Variants in DPP6 observed in about 807,000 individuals in gnomAD.
The protein encoded by DPP6 is dipeptidyl peptidase like 6.
A neutral mutation model predicts 122.6 loss-of-function variants in DPP6; 69 were observed. The observed-to-expected ratio is 0.56, with a 90% CI of 0.46 to 0.69. The LOEUF is 0.69. Ranked by LOEUF, DPP6 falls within the 30% of genes least tolerant of loss-of-function variation. DPP6 has a pLI of 0.00. For synonymous variants in DPP6, 418 were observed against 433.1 expected (o/e 0.97, Z 0.43); for missense variants, 928 against 1,116.9 (o/e 0.83, Z 2.41).
intron 1 of DPP6, among the ~76,000 whole-genome samples, chr7:153,918,559 ACACACAGTCTCT>A (rs1800464550): frequency 2.4e-5 from 2 of 83,212 alleles, no homozygotes; most frequent in South Asian, 5.1e-4. Context: ...ACACACACAC[ACACACAGTCTCT>A]CTCTCTCTCT....
intron 16 of DPP6, among the ~76,000 whole-genome samples, chr7:154,830,330 C>T (rs939501554): frequency 2.6e-5 from 4 of 152,098 alleles, no homozygotes; most frequent in Admixed American, 6.5e-5. Context: ...GAGGCAGAGC[C>T]GGGGCCAGGC....
rs376966130 is a variant in DPP6 at position 153,949,506 on chromosome 7, C to T, written c.51+61772C>T. On this transcript the variant is annotated intron_variant, in intron 1 of 25. Transcript: ENST00000404039. ...CTCTGCTACTTTTTCGTGCCTCATG[C>T]GTCTTAGGGAAGGTGTTTGCAGGTG... 5.4e-4 allele frequency among the ~76,000 whole-genome samples: 82 copies of T among 152,252 alleles called. 1 individual carries two copies. The South Asian group carries it at 0.017, about 31-fold the overall frequency.
intron 6 of DPP6, among the ~76,000 whole-genome samples, chr7:154,654,521 C>A (rs974217850): frequency 1.3e-4 from 20 of 151,700 alleles, no homozygotes; most frequent in African/African-American, 4.4e-4. Flanking sequence ...CAGGTTCAGG[C>A]GATTCTCCTG....
intron 5 of DPP6, among the ~76,000 whole-genome samples, chr7:154,620,620 T>G (rs1834580382): frequency 6.6e-6 from 1 of 152,362 alleles, no homozygotes; most frequent in South Asian, 2.1e-4. Flanking sequence ...GTGTTTTCAC[T>G]CTGAATGAGT....
intron 1 of DPP6, among the ~76,000 whole-genome samples, chr7:154,306,231 C>T (rs898317897): frequency 6.6e-6 from 1 of 152,198 alleles, no homozygotes; most frequent in Non-Finnish European, 1.5e-5. Flanking sequence ...GGCCGCTCGC[C>T]TTGTCCTGAG....
At chr7:154,230,140 C>T (rs1280950898) in intron 1 of DPP6, among the ~76,000 whole-genome samples, 1 of 152,036 alleles carries the variant, frequency 6.6e-6, no homozygotes, top group Non-Finnish European at 1.5e-5. Flanking sequence ...TCCGCACCCT[C>T]CTCCAACCCC....
At chr7:153,923,686 A>G (rs1327637869) in intron 1 of DPP6, among the ~76,000 whole-genome samples, 4 of 142,888 alleles carry the variant, frequency 2.8e-5, no homozygotes, top group Admixed American at 7.5e-5. Flanking sequence ...GCGTGAACCC[A>G]GGAGGCACAG....
intron 3 of DPP6, among the ~76,000 whole-genome samples, chr7:154,530,858 G>A (rs1321677940): frequency 1.3e-5 from 2 of 152,140 alleles, no homozygotes; most frequent in African/African-American, 4.8e-5. Flanking sequence ...GACATGGATG[G>A]AGCTGAAAGC....
rs75677723 is a variant in DPP6, at chr7:153,887,698, C to T, written c.15C>T (p.Ala5=). The T allele has an allele frequency of 1.1e-3, 1,834 of 1,613,904 alleles. 34 individuals are homozygous for T. In the East Asian group the frequency reaches 0.036, roughly 32 times the overall value. ...CTTGGGGCAAAATGAAGGAAAAGGC[C>T]ATGATCAAGACCGCTAAGATGCAGG... The change falls in exon 1 of 26, where the codon GCC becomes GCT. Residue 5 remains alanine, a synonymous_variant. Transcript: ENST00000404039.
rs539016715 is a variant in DPP6, at chr7:153,894,134, G to C, written c.51+6400G>C. ...TAAAGACTACAGACTAAACTTCTTGGGGACTGCCCTGTGACCCTTGGTTTC... is the reference window on the plus strand; with the variant it reads ...TAAAGACTACAGACTAAACTTCTTGCGGACTGCCCTGTGACCCTTGGTTTC... On this transcript the variant is annotated intron_variant, in intron 1 of 25. Transcript: ENST00000404039. Among the ~76,000 whole-genome samples, 392 of 152,240 alleles carry C rather than the reference G, an allele frequency of 2.6e-3. 4 individuals are homozygous for C. Among genetic ancestry groups the C allele is most frequent in the Non-Finnish European group, 5.0e-3 (339 of 68,014 alleles).
chr7:154,439,811 C>T (rs1399034568), intron 1 of DPP6, among the ~76,000 whole-genome samples: 1 of 152,188 alleles, frequency 6.6e-6, no homozygotes, highest in Admixed American at 6.5e-5. Context: ...CTGCTGTGCC[C>T]TCAGGCAGCA....
the DPP6 span, among the ~76,000 whole-genome samples, chr7:153,848,940 C>T: frequency 2.0e-5 from 3 of 151,626 alleles, no homozygotes; most frequent in Non-Finnish European, 2.9e-5. Context: ...TTCAATAATC[C>T]CATTGTTTTC....
At chr7:153,760,924 G>A in the DPP6 span, among the ~76,000 whole-genome samples, 1 of 152,046 alleles carries the variant, frequency 6.6e-6, no homozygotes, top group African/African-American at 2.4e-5. Context: ...CGTGTTGCTT[G>A]CTCCTCTTTC....
chr7:154,765,254 A>G (rs1157247078), intron 8 of DPP6, among the ~76,000 whole-genome samples: 1 of 152,218 alleles, frequency 6.6e-6, no homozygotes, highest in East Asian at 1.9e-4. Flanking sequence ...GAGGTTTTGC[A>G]GAAAAGGAGC....
chr7:154,460,633 C>T (rs1297211806), intron 2 of DPP6, among the ~76,000 whole-genome samples: 1 of 152,094 alleles, frequency 6.6e-6, no homozygotes, highest in Non-Finnish European at 1.5e-5. Context: ...TTAATAAAAT[C>T]TCTCATCAAA....
the DPP6 span, among the ~76,000 whole-genome samples, chr7:153,785,149 G>A: frequency 6.6e-6 from 1 of 152,256 alleles, no homozygotes; most frequent in East Asian, 1.9e-4. Context: ...AATGAACTTA[G>A]ATCCTCAGGA....
intron 7 of DPP6, among the ~76,000 whole-genome samples, chr7:154,675,275 G>A (rs60657509): frequency 6.6e-6 from 1 of 152,224 alleles, no homozygotes; most frequent in African/African-American, 2.4e-5. Context: ...GTTGATGGGT[G>A]CAGCAAGCCA....
chr7:153,849,728 C>T, the DPP6 span, among the ~76,000 whole-genome samples: 4 of 152,184 alleles, frequency 2.6e-5, no homozygotes, highest in Non-Finnish European at 4.4e-5. Context: ...ACATCACCAA[C>T]ATGCAGTATT....
chr7:154,807,170 G>A, intron 16 of DPP6, 58 bp downstream of exon 16: 1 of 1,590,294 alleles, frequency 6.3e-7, no homozygotes, highest in Non-Finnish European at 8.5e-7. Context: ...TTGCAGGGAG[G>A]GGGTGGGCAC....
Sources: gnomAD v4.1 joint callset for allele counts (sites outside exome capture counted in the v4.1 genomes callset) on GRCh38, gnomAD v4.1.1 for gene constraint, MANE v1.5 for transcripts, NCBI Gene and HGNC (gene_info 2026-07-23, HGNC 2026-07-21) for gene names.